SV2C: variants seen among roughly 807,000 people sequenced by gnomAD.
SV2C encodes synaptic vesicle glycoprotein 2C.
Under a neutral mutation model 79.7 loss-of-function variants are expected in SV2C, and 49 were observed. The observed-to-expected ratio is 0.61, with a 90% CI of 0.49 to 0.78. SV2C has a LOEUF of 0.78. Ranked by LOEUF, SV2C falls within the 30% of genes least tolerant of loss-of-function variation. SV2C has a pLI of 0.00. For synonymous variants in SV2C, 334 were observed against 333.2 expected (o/e 1.00, Z -0.03); for missense variants, 833 against 912.9 (o/e 0.91, Z 1.13).
chr5:76,207,473 G>A (rs1744641063), intron 3 of SV2C, among the ~76,000 whole-genome samples: 1 of 152,152 alleles, frequency 6.6e-6, no homozygotes, highest in African/African-American at 2.4e-5. Context: ...TTTCATACTA[G>A]GATTGTGTGT....
intron 4 of SV2C, among the ~76,000 whole-genome samples, chr5:76,244,202 G>A (rs56049104): frequency 0.3 from 45,909 of 152,096 alleles, 7,561 homozygotes; most frequent in Non-Finnish European, 0.37. Flanking sequence ...AACCAAACAC[G>A]GTAAGCTCTC....
chr5:76,316,230 G>C (rs1456152183), intron 12 of SV2C, among the ~76,000 whole-genome samples: 2 of 152,204 alleles, frequency 1.3e-5, no homozygotes, highest in Non-Finnish European at 2.9e-5. Context: ...TGTCAGAAAG[G>C]TGGAGTGGAT....
At chr5:75,868,723 C>T in the SV2C span, among the ~76,000 whole-genome samples, 1 of 152,110 alleles carries the variant, frequency 6.6e-6, no homozygotes, top group Admixed American at 6.6e-5. Flanking sequence ...GGGGCAGAGT[C>T]CCAGGGCTGG....
chr5:75,916,619 C>T, the SV2C span, among the ~76,000 whole-genome samples: 1 of 152,080 alleles, frequency 6.6e-6, no homozygotes, highest in East Asian at 1.9e-4. Flanking sequence ...GGATTACAGG[C>T]ACACACCACC....
chr5:76,226,123 G>A (rs1408560442), intron 4 of SV2C, among the ~76,000 whole-genome samples: 1 of 152,190 alleles, frequency 6.6e-6, no homozygotes, highest in Non-Finnish European at 1.5e-5. Context: ...ATTCCACTCT[G>A]TTCTTTAACC....
chr5:76,076,238 C>G, the SV2C span, among the ~76,000 whole-genome samples: 2 of 152,302 alleles, frequency 1.3e-5, no homozygotes, highest in East Asian at 3.9e-4. Flanking sequence ...CATAAAGTAT[C>G]ATATGTGTAT....
intron 4 of SV2C, among the ~76,000 whole-genome samples, chr5:76,252,864 A>C (rs529488680): frequency 1.3e-5 from 2 of 152,328 alleles, no homozygotes; most frequent in South Asian, 4.1e-4. Context: ...TTCTATCAAC[A>C]AGTAATATTC....
intron 1 of SV2C, among the ~76,000 whole-genome samples, chr5:76,121,956 T>C (rs955972266): frequency 3.3e-5 from 5 of 152,278 alleles, no homozygotes; most frequent in African/African-American, 9.6e-5. Context: ...TAAATTACCT[T>C]GGGCAGTATG....
chr5:76,034,485 T>C, the SV2C span, among the ~76,000 whole-genome samples: 8 of 152,336 alleles, frequency 5.3e-5, no homozygotes, highest in East Asian at 7.7e-4. Flanking sequence ...TCAAAGGCCT[T>C]TTCTGCATCT....
chr5:75,906,089 C>G, the SV2C span, among the ~76,000 whole-genome samples: 1 of 151,764 alleles, frequency 6.6e-6, no homozygotes, highest in Non-Finnish European at 1.5e-5. Flanking sequence ...CTGCTGGTAA[C>G]TACCAGAAGC....
chr5:76,282,672 G>A (rs1196784534), intron 4 of SV2C, among the ~76,000 whole-genome samples: 1 of 152,190 alleles, frequency 6.6e-6, no homozygotes, highest in Non-Finnish European at 1.5e-5. Context: ...GTTCATCTGA[G>A]TTCAAATTTA....
the SV2C span, among the ~76,000 whole-genome samples, chr5:75,919,544 C>T: frequency 2.0e-5 from 3 of 152,176 alleles, no homozygotes; most frequent in African/African-American, 7.2e-5. Flanking sequence ...TAGAATGCAT[C>T]CTAAACCTTG....
At chr5:76,150,324 T>C (rs1473456997) in intron 2 of SV2C, among the ~76,000 whole-genome samples, 2 of 151,944 alleles carry the variant, frequency 1.3e-5, no homozygotes, top group South Asian at 2.1e-4. Context: ...ACTACAGGTG[T>C]GTGCCACCAC....
chr5:76,256,882 C>A (rs1026241978), intron 4 of SV2C, among the ~76,000 whole-genome samples: 1 of 152,208 alleles, frequency 6.6e-6, no homozygotes, highest in Non-Finnish European at 1.5e-5. Context: ...ACTTAATGAA[C>A]GAGTTCCTCT....
At chr5:76,202,149 G>C (rs2884478) in intron 3 of SV2C, among the ~76,000 whole-genome samples, 4,719 of 151,774 alleles carry the variant, frequency 0.031, 374 homozygotes, top group East Asian at 0.26. Flanking sequence ...TCCCTTCAAA[G>C]TAGTCTTTTT....
chr5:76,104,847 C>T (rs554683751), intron 1 of SV2C, among the ~76,000 whole-genome samples: 4 of 152,232 alleles, frequency 2.6e-5, no homozygotes, highest in Admixed American at 6.5e-5. Flanking sequence ...TGTCTACATG[C>T]GGTTGTTGTG....
chr5:76,017,348 G>A, the SV2C span, among the ~76,000 whole-genome samples: 22 of 152,044 alleles, frequency 1.4e-4, no homozygotes, highest in Admixed American at 9.2e-4. Context: ...GTGCAGTGGC[G>A]CAATCTTGGC....
intron 4 of SV2C, among the ~76,000 whole-genome samples, chr5:76,258,131 G>GGTGT (rs10664841): frequency 7.4e-5 from 11 of 148,572 alleles, no homozygotes; most frequent in South Asian, 6.4e-4. Flanking sequence ...TGGTATATGG[G>GGTGT]GTGTGTGTGT....
intron 2 of SV2C, among the ~76,000 whole-genome samples, chr5:76,169,100 G>A (rs72773734): frequency 0.098 from 14,922 of 152,256 alleles, 904 homozygotes; most frequent in Non-Finnish European, 0.13. Context: ...AATGAAACAA[G>A]AGGATAAAAT....
Sources: gnomAD v4.1 joint callset for allele counts (sites outside exome capture counted in the v4.1 genomes callset) on GRCh38, gnomAD v4.1.1 for gene constraint, MANE v1.5 for transcripts, NCBI Gene and HGNC (gene_info 2026-07-23, HGNC 2026-07-21) for gene names.